The following PDLIM5 variants were observed in gnomAD, a reference collection of about 807,000 sequenced individuals.
PDLIM5 encodes PDZ and LIM domain protein 5.
PDLIM5 carries 34 observed loss-of-function variants against 64.2 expected under a neutral mutation model. That is an observed-to-expected ratio of 0.53 (90% confidence interval 0.40 to 0.71). PDLIM5 has a LOEUF of 0.71. PDLIM5 is among the 30% of genes least tolerant of loss of function. The pLI is 0.00. For missense variants in PDLIM5, 683 were observed against 733.6 expected (o/e 0.93, Z 0.80); for synonymous variants, 253 against 269.1 (o/e 0.94, Z 0.59).
intron 4 of PDLIM5, among the ~76,000 whole-genome samples, chr4:94,574,882 G>A (rs542597492): frequency 7.2e-5 from 11 of 151,804 alleles, no homozygotes; most frequent in Middle Eastern, 6.8e-3. Context: ...ATTTATTTTG[G>A]AAAAGGAAAA....
At position 94,535,560 on chromosome 4, in the gene PDLIM5, G is replaced by A. The variant is rs150372752; in HGVS notation, c.248+11685G>A. Among the ~76,000 whole-genome samples, 498 of 152,170 alleles carry A rather than the reference G, an allele frequency of 3.3e-3. 1 individual carries two copies. Among genetic ancestry groups the A allele is most frequent in the Middle Eastern group, 6.8e-3 (2 of 294 alleles). On this transcript the variant is annotated intron_variant, in intron 3 of 12. Transcript: ENST00000317968. ...TTGCCTGAACCTCCCACTTTCACCT[G>A]TAGCCACCTGTTCATTAGCCTTTGT...
At chr4:94,453,997 C>G (rs990949000) in intron 1 of PDLIM5, among the ~76,000 whole-genome samples, 40 of 151,974 alleles carry the variant, frequency 2.6e-4, no homozygotes, top group Admixed American at 2.6e-3. Flanking sequence ...ATGTTTTGCC[C>G]CATTTTCCCT....
At chr4:94,455,553 C>G (rs923878540) in intron 2 of PDLIM5, 169 bp downstream of exon 2, 6 of 644,482 alleles carry the variant, frequency 9.3e-6, no homozygotes, top group Non-Finnish European at 1.4e-5. Flanking sequence ...GTAGATTTAG[C>G]AAGGATAACT....
At chr4:94,582,007 GT>G (rs1326804965) in intron 5 of PDLIM5, among the ~76,000 whole-genome samples, 1 of 152,164 alleles carries the variant, frequency 6.6e-6, no homozygotes, top group Non-Finnish European at 1.5e-5. Context: ...GTGAATGAGG[GT>G]GGTATTAATG....
intron 7 of PDLIM5, among the ~76,000 whole-genome samples, chr4:94,591,367 T>G (rs1736661202): frequency 6.6e-6 from 1 of 152,244 alleles, no homozygotes; most frequent in Non-Finnish European, 1.5e-5. Context: ...AACTCACTGA[T>G]TACTTTCTGT....
At chr4:94,522,657 A>G (rs1578301653) in intron 2 of PDLIM5, among the ~76,000 whole-genome samples, 7 of 152,306 alleles carry the variant, frequency 4.6e-5, no homozygotes, top group Admixed American at 4.6e-4. Context: ...TCATTTTAAA[A>G]TGTATAATTC....
At chr4:94,649,398 A>G (rs1345027139) in intron 9 of PDLIM5, among the ~76,000 whole-genome samples, 1 of 152,226 alleles carries the variant, frequency 6.6e-6, no homozygotes, top group Non-Finnish European at 1.5e-5. Flanking sequence ...TTACTCAAAT[A>G]TCAGAGTGTT....
intron 2 of PDLIM5, among the ~76,000 whole-genome samples, chr4:94,506,551 A>G (rs953308290): frequency 2.0e-5 from 3 of 152,070 alleles, no homozygotes; most frequent in Non-Finnish European, 2.9e-5. Flanking sequence ...AAATATTACT[A>G]ATTTTATTCA....
chr4:94,636,601 C>T (rs183692708), intron 8 of PDLIM5, among the ~76,000 whole-genome samples: 296 of 145,108 alleles, frequency 2.0e-3, no homozygotes, highest in African/African-American at 7.3e-3. Flanking sequence ...TGCAGTGGTG[C>T]GATCTTGGCT....
At chr4:94,630,991 T>C (rs1193652015) in intron 8 of PDLIM5, among the ~76,000 whole-genome samples, 1 of 152,078 alleles carries the variant, frequency 6.6e-6, no homozygotes, top group Non-Finnish European at 1.5e-5. Flanking sequence ...CACTGCAACC[T>C]TGAGCTCCTG....
intron 3 of PDLIM5, among the ~76,000 whole-genome samples, chr4:94,556,055 C>A (rs1312681490): frequency 1.3e-5 from 2 of 148,938 alleles, no homozygotes; most frequent in Middle Eastern, 3.4e-3. Context: ...TCCCTCCCGC[C>A]TCCCCCCACC....
At chr4:94,569,132 C>T (rs934566228) in intron 3 of PDLIM5, among the ~76,000 whole-genome samples, 2 of 152,108 alleles carry the variant, frequency 1.3e-5, no homozygotes, top group African/African-American at 4.8e-5. Context: ...CAAAATGGCC[C>T]CCTCCACAGT....
At chr4:94,606,097 A>G (rs1199499560) in intron 7 of PDLIM5, among the ~76,000 whole-genome samples, 1 of 152,182 alleles carries the variant, frequency 6.6e-6, no homozygotes, top group East Asian at 1.9e-4. Flanking sequence ...TCAATTTACA[A>G]ATATTGTGAA....
In PDLIM5 at chr4:94,530,672, C is replaced by T. The variant is rs76460545; in HGVS notation, c.248+6797C>T. On this transcript the variant is annotated intron_variant, in intron 3 of 12. Transcript: ENST00000317968. ...ACTTGTTATGATTAGAAGTGAAAGA[C>T]CTAGAAGAATTGAGTTTTGAAAAAT... is the stretch of plus-strand genomic sequence containing the variant. Among the ~76,000 whole-genome samples, 15 of 151,972 alleles carry T rather than the reference C, an allele frequency of 9.9e-5. No homozygotes were observed. In the East Asian group the frequency reaches 2.3e-3, roughly 23 times the overall value.
rs531859931 is a variant in PDLIM5 at position 94,605,328 on chromosome 4, C to T, written c.921-12676C>T. Among the ~76,000 whole-genome samples, 3 of 152,196 alleles carry T rather than the reference C, an allele frequency of 2.0e-5. No individual in the cohort carries two copies. In the East Asian group the frequency reaches 5.8e-4, roughly 29 times the overall value. On this transcript the variant is annotated intron_variant, in intron 7 of 12. Coordinates refer to ENST00000317968, the MANE Select transcript of PDLIM5 (RefSeq NM_006457.5). ...GCTGGACAGATTGTTCACAAGGGTCCGTAATGAACAAGTGCAGAGATGGTG... is the reference window on the plus strand; with the variant it reads ...GCTGGACAGATTGTTCACAAGGGTCTGTAATGAACAAGTGCAGAGATGGTG...
chr4:94,544,210 T>C (rs1273160637), intron 3 of PDLIM5, among the ~76,000 whole-genome samples: 1 of 152,142 alleles, frequency 6.6e-6, no homozygotes, highest in Non-Finnish European at 1.5e-5. Flanking sequence ...ACATTCGTCA[T>C]TGGATTTAGG....
intron 2 of PDLIM5, among the ~76,000 whole-genome samples, chr4:94,477,980 G>A (rs556931896): frequency 1.7e-4 from 26 of 152,132 alleles, no homozygotes; most frequent in South Asian, 6.2e-4. Context: ...AGTATCAGCC[G>A]GGCACAGTGG....
At position 94,644,193 on chromosome 4, in the gene PDLIM5, C is replaced by T. The variant is rs57538490; in HGVS notation, c.1283+3743C>T. On this transcript the variant is annotated intron_variant, in intron 9 of 12. Coordinates refer to ENST00000317968, the MANE Select transcript of PDLIM5 (RefSeq NM_006457.5). ...AATTTTGCCTGAATTTTCATAACAACCCTGTGAGACAGTTGCTATGATTAT... is the reference window on the plus strand; with the variant it reads ...AATTTTGCCTGAATTTTCATAACAATCCTGTGAGACAGTTGCTATGATTAT... Among the ~76,000 whole-genome samples the T allele has an allele frequency of 8.7e-3, 1,318 of 152,300 alleles. 21 individuals are homozygous for T. Among genetic ancestry groups the T allele is most frequent in the African/African-American group, 0.03 (1,255 of 41,566 alleles).
Position 94,547,148 on chromosome 4 carries a change from T to A in PDLIM5, c.248+23273T>A, listed in dbSNP as rs191338620. 2.1e-3 allele frequency among the ~76,000 whole-genome samples: 323 copies of A among 152,258 alleles called. 3 individuals carry two copies. Among genetic ancestry groups the A allele is most frequent in the African/African-American group, 7.5e-3 (310 of 41,564 alleles). On this transcript the variant is annotated intron_variant, in intron 3 of 12. Transcript: ENST00000317968. ...GTTTTCCAAAAATTATTTACCTGTG[T>A]ATTAGTTTCCTATTGCTGCTGTAAC...
Sources: allele counts gnomAD v4.1 joint callset (sites outside exome capture counted in the v4.1 genomes callset), GRCh38; gene constraint gnomAD v4.1.1; transcripts MANE v1.5; gene names NCBI Gene and HGNC (gene_info 2026-07-23, HGNC 2026-07-21).